RBM19: variants seen among roughly 807,000 people sequenced by gnomAD.
RBM19 encodes the protein probable RNA-binding protein 19.
RBM19 carries 94 observed loss-of-function variants against 116.8 expected under a neutral mutation model. The observed-to-expected ratio is 0.80, with a 90% CI of 0.68 to 0.95. The LOEUF (loss-of-function observed/expected upper bound fraction) is 0.95, where lower values mean the gene tolerates loss of function less well. RBM19 is among the 40% of genes least tolerant of loss of function. RBM19 has a pLI of 0.00. For missense variants in RBM19, 1,161 were observed against 1,220.7 expected (o/e 0.95, Z 0.73); for synonymous variants, 475 against 494.1 (o/e 0.96, Z 0.51).
chr12:113,868,733 A>T (rs1879015472), intron 21 of RBM19, among the ~76,000 whole-genome samples: 1 of 152,248 alleles, frequency 6.6e-6, no homozygotes, highest in Non-Finnish European at 1.5e-5. Flanking sequence ...AGAAGGGCCG[A>T]ACATACACAT....
At chr12:113,920,510 T>C (rs946429058) in intron 19 of RBM19, 101 bp downstream of exon 19, 2 of 1,093,386 alleles carry the variant, frequency 1.8e-6, no homozygotes, top group Non-Finnish European at 1.4e-6. Context: ...CGGTCAAGTG[T>C]AGACTTCATA....
chr12:113,913,383 C>A (rs1882574586), intron 21 of RBM19, among the ~76,000 whole-genome samples: 1 of 152,136 alleles, frequency 6.6e-6, no homozygotes. Context: ...AACCTCCCCC[C>A]AGGTCATGAC....
chr12:113,833,446 T>C (rs1214479833), intron 23 of RBM19, among the ~76,000 whole-genome samples: 1 of 152,192 alleles, frequency 6.6e-6, no homozygotes, highest in African/African-American at 2.4e-5. Context: ...TCTTCAAATC[T>C]TCTGGGAGCT....
At chr12:113,906,738 C>G (rs905550555) in intron 21 of RBM19, among the ~76,000 whole-genome samples, 11 of 151,908 alleles carry the variant, frequency 7.2e-5, no homozygotes, top group Admixed American at 3.3e-4. Flanking sequence ...CTTGGAGGAG[C>G]CTTACCTAAC....
chr12:113,855,584 AG>A (rs1877829866), intron 22 of RBM19, among the ~76,000 whole-genome samples: 1 of 152,134 alleles, frequency 6.6e-6, no homozygotes, highest in Non-Finnish European at 1.5e-5. Flanking sequence ...AGCCCTGGGA[AG>A]GGTTTTTGAA....
At chr12:113,912,205 T>C (rs1226670443) in intron 21 of RBM19, among the ~76,000 whole-genome samples, 1 of 151,984 alleles carries the variant, frequency 6.6e-6, no homozygotes, top group Non-Finnish European at 1.5e-5. Flanking sequence ...GCAGGCGGGG[T>C]AGCTTGAGGC....
At chr12:113,872,058 G>A (rs1263832309) in intron 21 of RBM19, among the ~76,000 whole-genome samples, 28 of 146,110 alleles carry the variant, frequency 1.9e-4, no homozygotes, top group Middle Eastern at 3.5e-3. Flanking sequence ...CCGCCCAGCC[G>A]CCATCCCATC....
intron 21 of RBM19, among the ~76,000 whole-genome samples, chr12:113,911,036 AC>A (rs1882394282): frequency 7.9e-6 from 1 of 127,028 alleles, no homozygotes; most frequent in Non-Finnish European, 1.6e-5. Flanking sequence ...TCCAGAGCAA[AC>A]CCAGATGGGG....
At chr12:113,836,077 C>A (rs2135702477) in intron 23 of RBM19, among the ~76,000 whole-genome samples, 1 of 152,318 alleles carries the variant, frequency 6.6e-6, no homozygotes, top group Non-Finnish European at 1.5e-5. Context: ...AAGGACACAG[C>A]CAGCGGCGGA....
intron 21 of RBM19, among the ~76,000 whole-genome samples, chr12:113,878,128 T>G (rs1393340458): frequency 1.3e-5 from 2 of 152,140 alleles, no homozygotes; most frequent in Non-Finnish European, 2.9e-5. Flanking sequence ...TCTCTGGCCC[T>G]TTACAGAAAC....
chr12:113,870,740 A>G (rs1052757756), intron 21 of RBM19, among the ~76,000 whole-genome samples: 3 of 152,178 alleles, frequency 2.0e-5, no homozygotes, highest in Non-Finnish European at 2.9e-5. Flanking sequence ...CTCTCCATGT[A>G]TCGTCTCCGC....
rs1042145121 is a variant in RBM19, at chr12:113,823,078, G to A, written c.*146C>T. The A allele has an allele frequency of 4.3e-6, 3 of 702,308 alleles. No individual in the cohort carries two copies. Among genetic ancestry groups the A allele is most frequent in the African/African-American group, 3.6e-5 (2 of 55,306 alleles). 43.5% of individuals were successfully genotyped at this position (702,308 alleles called of 1,614,324 possible). On this transcript the variant is annotated 3_prime_UTR_variant, in exon 24 of 24. Transcript: ENST00000261741. ...TGGCCTGAGGCCTTCCTCATCCCCT[G>A]TCTCCTCCGACCTTGGACCAGTGCA...
intron 23 of RBM19, among the ~76,000 whole-genome samples, chr12:113,831,159 A>G (rs1280935805): frequency 2.6e-5 from 4 of 152,216 alleles, no homozygotes; most frequent in Non-Finnish European, 4.4e-5. Flanking sequence ...ATCTTCCAGT[A>G]GGAAAATAGT....
chr12:113,906,603 G>A (rs933905399), intron 21 of RBM19, among the ~76,000 whole-genome samples: 2 of 152,110 alleles, frequency 1.3e-5, no homozygotes, highest in East Asian at 1.9e-4. Flanking sequence ...TTTTCTGCAC[G>A]CATGCTAGCT....
chr12:113,943,242 G>A (rs916897191), intron 13 of RBM19, among the ~76,000 whole-genome samples: 3 of 152,106 alleles, frequency 2.0e-5, no homozygotes, highest in African/African-American at 4.8e-5. Flanking sequence ...TTCCCTCATC[G>A]GAAAGCACCA....
At chr12:113,837,436 C>T (rs1162617136) in intron 23 of RBM19, among the ~76,000 whole-genome samples, 3 of 152,222 alleles carry the variant, frequency 2.0e-5, no homozygotes, top group East Asian at 1.9e-4. Flanking sequence ...CCCCGAAGGA[C>T]CATGAGGCCC....
At chr12:113,952,106 G>A (rs1470560170) in intron 8 of RBM19, among the ~76,000 whole-genome samples, 1 of 152,208 alleles carries the variant, frequency 6.6e-6, no homozygotes, top group Non-Finnish European at 1.5e-5. Flanking sequence ...GTTGCCCAGA[G>A]TATAAACCTG....
chr12:113,922,393 C>G (rs558786250), intron 18 of RBM19, among the ~76,000 whole-genome samples: 1 of 152,286 alleles, frequency 6.6e-6, no homozygotes, highest in East Asian at 1.9e-4. Flanking sequence ...GTCTCAAATA[C>G]AGGCCCTTGA....
At chr12:113,891,653 A>C (rs560462866) in intron 21 of RBM19, among the ~76,000 whole-genome samples, 2 of 152,360 alleles carry the variant, frequency 1.3e-5, no homozygotes, top group African/African-American at 4.8e-5. Flanking sequence ...GGCCCTTAAA[A>C]AAAATTCACT....
Sources: allele counts gnomAD v4.1 joint callset (sites outside exome capture counted in the v4.1 genomes callset), GRCh38; gene constraint gnomAD v4.1.1; transcripts MANE v1.5; gene names NCBI Gene and HGNC (gene_info 2026-07-23, HGNC 2026-07-21).